MAML2: variants seen among roughly 807,000 people sequenced by gnomAD.
MAML2 encodes the protein mastermind like transcriptional coactivator 2.
A neutral mutation model predicts 96.1 loss-of-function variants in MAML2; 22 were observed. The ratio of observed to expected loss-of-function variants is 0.23; its 90% CI spans 0.16 to 0.33. MAML2 has a LOEUF of 0.33. Among genes scored for constraint, MAML2 ranks in the 10% least tolerant of loss-of-function variants. MAML2 has a pLI of 1.00. For missense variants in MAML2, 1,367 were observed against 1,392.4 expected, an observed-to-expected ratio of 0.98 and a Z score of 0.29; for synonymous variants, 561 against 521.3, an observed-to-expected ratio of 1.08 and a Z score of -1.04.
intron 1 of MAML2, among the ~76,000 whole-genome samples, chr11:96,151,127 C>A (rs1370003927): frequency 6.6e-6 from 1 of 152,170 alleles, no homozygotes; most frequent in Non-Finnish European, 1.5e-5. Context: ...CAAACTCCCT[C>A]GTCTAATTTT....
At chr11:96,333,941 G>C (rs1863885353) in intron 1 of MAML2, among the ~76,000 whole-genome samples, 1 of 152,200 alleles carries the variant, frequency 6.6e-6, no homozygotes, top group Admixed American at 6.5e-5. Flanking sequence ...CACACTTGCT[G>C]GGTAACTGAA....
chr11:96,189,810 T>C (rs770295010), intron 1 of MAML2, among the ~76,000 whole-genome samples: 7 of 152,300 alleles, frequency 4.6e-5, no homozygotes, highest in South Asian at 2.1e-4. Flanking sequence ...CAAGAGGAAA[T>C]AGCTTTAAAA....
intron 1 of MAML2, among the ~76,000 whole-genome samples, chr11:96,219,310 C>T (rs1439622201): frequency 3.3e-5 from 5 of 152,158 alleles, no homozygotes; most frequent in East Asian, 1.9e-4. Context: ...TAAGCACTTT[C>T]GGATTCTTCA....
intron 1 of MAML2, among the ~76,000 whole-genome samples, chr11:96,339,026 A>C (rs985321609): frequency 1.3e-5 from 2 of 152,210 alleles, no homozygotes; most frequent in African/African-American, 4.8e-5. Flanking sequence ...GGCCAAATTT[A>C]GCAGCTAAAA....
chr11:96,039,472 G>C (rs1858771559), intron 2 of MAML2, among the ~76,000 whole-genome samples: 1 of 152,046 alleles, frequency 6.6e-6, no homozygotes, highest in South Asian at 2.1e-4. Flanking sequence ...CATAGGAGGA[G>C]CTAGAGGAAT....
At chr11:96,081,747 T>G (rs529215137) in intron 2 of MAML2, among the ~76,000 whole-genome samples, 1 of 152,362 alleles carries the variant, frequency 6.6e-6, no homozygotes, top group Admixed American at 6.5e-5. Flanking sequence ...GGTTATTTCA[T>G]GCACCATGGA....
chr11:96,173,206 C>T (rs2135902634), intron 1 of MAML2, among the ~76,000 whole-genome samples: 1 of 152,278 alleles, frequency 6.6e-6, no homozygotes, highest in South Asian at 2.1e-4. Flanking sequence ...CCACAAATAT[C>T]TTGGAGGAAA....
intron 2 of MAML2, among the ~76,000 whole-genome samples, chr11:96,081,331 G>A (rs954376772): frequency 2.0e-5 from 3 of 151,266 alleles, no homozygotes; most frequent in Non-Finnish European, 3.0e-5. Flanking sequence ...ATTCATATAA[G>A]ATTTTATAAT....
intron 1 of MAML2, among the ~76,000 whole-genome samples, chr11:96,314,151 T>C (rs926828932): frequency 1.3e-5 from 2 of 152,232 alleles, no homozygotes; most frequent in Admixed American, 1.3e-4. Context: ...CTCCTAAGGC[T>C]AGTTCTGCAG....
At chr11:96,131,945 G>A (rs555275798) in intron 1 of MAML2, among the ~76,000 whole-genome samples, 1 of 152,178 alleles carries the variant, frequency 6.6e-6, no homozygotes, top group Non-Finnish European at 1.5e-5. Flanking sequence ...AGGAGGTAGA[G>A]GTTGCAGTGA....
Position 96,171,203 on chromosome 11 carries a change from G to A in MAML2, c.514-77686C>T, listed in dbSNP as rs374587461. ...AACCATTGGAGGGAAGAGTGAACTGGGCTATCAGATTGTATGTGAGCTGAG... is the reference window on the plus strand; with the variant it reads ...AACCATTGGAGGGAAGAGTGAACTGAGCTATCAGATTGTATGTGAGCTGAG... On this transcript the variant is annotated intron_variant, in intron 1 of 4. Transcript: ENST00000524717. Among the ~76,000 whole-genome samples the A allele has an allele frequency of 5.5e-4, 83 of 152,162 alleles. 1 individual carries two copies. In the South Asian group the frequency reaches 0.016, roughly 30 times the overall value.
intron 1 of MAML2, among the ~76,000 whole-genome samples, chr11:96,223,603 G>A (rs543763276): frequency 6.7e-6 from 1 of 149,900 alleles, no homozygotes; most frequent in South Asian, 2.1e-4. Flanking sequence ...AGGTTTTTGT[G>A]CAGGTTTGTA....
chr11:96,144,112 C>T (rs1332523239), intron 1 of MAML2, among the ~76,000 whole-genome samples: 1 of 152,098 alleles, frequency 6.6e-6, no homozygotes, highest in Non-Finnish European at 1.5e-5. Context: ...AAGAAATGAG[C>T]TTGGGCTTTT....
intron 2 of MAML2, among the ~76,000 whole-genome samples, chr11:95,992,602 G>A (rs1857930667): frequency 1.3e-5 from 2 of 152,182 alleles, no homozygotes; most frequent in Non-Finnish European, 2.9e-5. Flanking sequence ...TCACCTTAGA[G>A]AATTTATCAC....
intron 1 of MAML2, among the ~76,000 whole-genome samples, chr11:96,214,254 C>T (rs1030059537): frequency 9.2e-5 from 14 of 152,242 alleles, no homozygotes; most frequent in Admixed American, 6.5e-4. Context: ...GAGGCCATGC[C>T]TAGGTTATTC....
intron 1 of MAML2, among the ~76,000 whole-genome samples, chr11:96,162,204 A>C (rs947021526): frequency 1.7e-4 from 23 of 134,216 alleles, no homozygotes; most frequent in Admixed American, 1.7e-3. Flanking sequence ...TTTTTTCTGC[A>C]ATGAACATAT....
At chr11:95,980,086 T>C in intron 4 of MAML2, 123 bp from the exon 5 acceptor site, 2 of 727,694 alleles carry the variant, frequency 2.7e-6, no homozygotes, top group Non-Finnish European at 2.2e-6. Flanking sequence ...GGCGAAATAA[T>C]GATCAAATAA....
chr11:96,165,265 T>C (rs1370117344), intron 1 of MAML2, among the ~76,000 whole-genome samples: 1 of 152,192 alleles, frequency 6.6e-6, no homozygotes, highest in Non-Finnish European at 1.5e-5. Context: ...CTTGAAAGGC[T>C]TGTTAAAACA....
Position 95,979,264 on chromosome 11 carries a change from T to C in MAML2, c.3155A>G (p.Asn1052Ser), listed in dbSNP as rs780878786. The C allele has an allele frequency of 3.1e-6, 5 of 1,613,990 alleles. No individual in the cohort carries two copies. The highest frequency in any genetic ancestry group is 3.4e-6 in the Non-Finnish European group (4 of 1,179,882). Residue 1052 changes from asparagine (N) to serine (S), a missense_variant, in exon 5 of 5, where the codon AAT becomes AGT. Coordinates refer to ENST00000524717, the MANE Select transcript of MAML2 (RefSeq NM_032427.4). ...GPLRGLNLRP[N>S]QLSTQILPNL... is the part of the protein sequence containing the mutation. ...AGGCAAAATCTGTGTGCTTAGCTGA[T>C]TGGGTCTGAGATTCAGACCCCTGAG...
Sources: gnomAD v4.1 joint callset for allele counts (sites outside exome capture counted in the v4.1 genomes callset) on GRCh38, gnomAD v4.1.1 for gene constraint, MANE v1.5 for transcripts, NCBI Gene and HGNC (gene_info 2026-07-23, HGNC 2026-07-21) for gene names.